The following CENPX variants were observed in gnomAD, a reference collection of about 807,000 sequenced individuals.
CENPX encodes the protein centromere protein X.
CENPX carries 13 observed loss-of-function variants against 13.2 expected under a neutral mutation model. The observed-to-expected ratio is 0.98, with a 90% CI of 0.64 to 1.56. The LOEUF (loss-of-function observed/expected upper bound fraction) is 1.56. Ranked by LOEUF, CENPX falls within the 40% of genes most tolerant of loss-of-function variation. The pLI, the probability that CENPX is intolerant of heterozygous loss-of-function variation, is 0.00. For synonymous variants in CENPX, 66 were observed against 47.2 expected, an observed-to-expected ratio of 1.40 and a Z score of -1.63; for missense variants, 138 against 107.5, an observed-to-expected ratio of 1.28 and a Z score of -1.26.
intron 1 of CENPX, 77 bp from the exon 2 acceptor site, chr17:82,019,986 C>G: frequency 7.3e-7 from 1 of 1,371,658 alleles, no homozygotes; most frequent in Non-Finnish European, 9.8e-7. Flanking sequence ...ATTCTGGTGA[C>G]AGTGGCTGTG....
At chr17:82,022,664 G>T (rs1477718329) in intron 1 of CENPX, 162 bp downstream of exon 1, 1 of 818,528 alleles carries the variant, frequency 1.2e-6, no homozygotes, top group African/African-American at 1.8e-5. Flanking sequence ...AGCCCACGAG[G>T]GCGCGGGGCG....
At chr17:82,022,541 G>A (rs2043306847) in intron 1 of CENPX, 1 of 543,864 alleles carries the variant, frequency 1.8e-6, no homozygotes, top group Non-Finnish European at 3.2e-6. Context: ...CTCTCTCTTC[G>A]CCGGCTTGGA....
Position 82,019,629 on chromosome 17 carries a change from C to T in CENPX, c.142+12G>A, listed in dbSNP as rs537097163. 8.1e-5 allele frequency: 126 copies of T among 1,550,300 alleles called. No individual in the cohort carries two copies. In the East Asian group the frequency reaches 1.1e-3, roughly 13 times the overall value. ...ATGCTGTGCCCGGAGGGAGCGTGGG[C>T]CCTGGGCTCACCCACAACGAAGACC... On this transcript the variant is annotated intron_variant, in intron 3 of 4. Transcript: ENST00000392359.
chr17:82,020,164 G>T (rs928021237), intron 1 of CENPX, among the ~76,000 whole-genome samples: 30 of 152,238 alleles, frequency 2.0e-4, no homozygotes, highest in African/African-American at 7.2e-4. Context: ...TACGGCGTGA[G>T]TGGTCGCAGA....
rs535889079 is a variant in CENPX, at chr17:82,022,851, G to C, written c.11C>G (p.Ala4Gly). 2 of 1,593,008 alleles carry C rather than the reference G, an allele frequency of 1.3e-6. No homozygotes were observed. Among genetic ancestry groups the C allele is most frequent in the Non-Finnish European group, 1.7e-6 (2 of 1,172,626 alleles). The stretch of plus-strand genomic sequence containing the variant: ...CTTCCGGAAGCCGGATCCAGCTCCT[G>C]CTCCCTCCATGACCGCAGCCTCAAC... MEG[A>G]GAGSGFRKEL... Residue 4 changes from alanine to glycine, a missense_variant, in exon 1 of 5, where the codon GCA (alanine) becomes GGA (glycine). Coordinates refer to ENST00000392359, the MANE Select transcript of CENPX (RefSeq NM_001271006.2).
intron 1 of CENPX, among the ~76,000 whole-genome samples, chr17:82,020,735 G>A (rs2043266599): frequency 1.3e-5 from 2 of 152,218 alleles, no homozygotes; most frequent in Middle Eastern, 3.2e-3. Context: ...CGGGGACAAG[G>A]GAGGAGTCTA....
At chr17:82,022,409 C>A (rs2043304139) in intron 1 of CENPX, among the ~76,000 whole-genome samples, 1 of 152,230 alleles carries the variant, frequency 6.6e-6, no homozygotes, top group Admixed American at 6.5e-5. Flanking sequence ...CTGTGCCTGG[C>A]GGCTGGGGTA....
At chr17:82,019,464 C>T in intron 3 of CENPX, 83 bp from the exon 4 acceptor site, 1 of 1,497,672 alleles carries the variant, frequency 6.7e-7, no homozygotes, top group Non-Finnish European at 8.9e-7. Context: ...TGGGCCGGTG[C>T]CCCCCCCAAC....
intron 1 of CENPX, among the ~76,000 whole-genome samples, chr17:82,020,204 C>G (rs1439801900): frequency 6.6e-6 from 1 of 152,256 alleles, no homozygotes; most frequent in African/African-American, 2.4e-5. Flanking sequence ...GCTGGGGCTC[C>G]AGGGAGAGAG....
rs976197124 is a variant in CENPX at position 82,019,084 on chromosome 17, G to C, written c.*121C>G. ...CTGGAGACTCCCAGAGATCTTGTTT[G>C]AATCAACTCCAAATCCTTCAGGTCC... is the stretch of plus-strand genomic sequence containing the variant. On this transcript the variant is annotated 3_prime_UTR_variant, in exon 5 of 5. Transcript: ENST00000392359. 13 of 1,384,212 alleles carry C rather than the reference G, an allele frequency of 9.4e-6. No homozygotes were observed. The African/African-American group carries it at 1.9e-4, about 20-fold the overall frequency. 85.7% of individuals were successfully genotyped at this position (1,384,212 alleles called of 1,614,324 possible).
rs1249944098 is a variant in CENPX, at chr17:82,022,494, C to T, written c.36+332G>A. 9 of 485,434 alleles carry T rather than the reference C, an allele frequency of 1.9e-5. No individual in the cohort carries two copies. In the East Asian group the frequency reaches 3.6e-4, roughly 19 times the overall value. 30.1% of individuals were successfully genotyped at this position (485,434 alleles called of 1,614,324 possible). On this transcript the variant is annotated intron_variant, in intron 1 of 4. Coordinates refer to ENST00000392359, the MANE Select transcript of CENPX (RefSeq NM_001271006.2). Reference sequence around the variant, plus strand: ...GCCTCATCTCCCCTTAACAAAAGACCCCAGGCTCAGGGCGCAGGGCGGCGG... The same window carrying T: ...GCCTCATCTCCCCTTAACAAAAGACTCCAGGCTCAGGGCGCAGGGCGGCGG...
At chr17:82,021,621 C>T (rs1324365456) in intron 1 of CENPX, among the ~76,000 whole-genome samples, 4 of 152,242 alleles carry the variant, frequency 2.6e-5, no homozygotes, top group Non-Finnish European at 5.9e-5. Flanking sequence ...CCCCCACTCC[C>T]CGTCATTCTC....
intron 1 of CENPX, 198 bp downstream of exon 1, chr17:82,022,628 C>G: frequency 1.6e-6 from 1 of 632,972 alleles, no homozygotes; most frequent in South Asian, 2.0e-5. Flanking sequence ...CTGCTCCACG[C>G]CCCCTCCTAC....
intron 1 of CENPX, among the ~76,000 whole-genome samples, chr17:82,020,159 C>T (rs911116515): frequency 2.0e-5 from 3 of 152,176 alleles, no homozygotes; most frequent in Non-Finnish European, 4.4e-5. Flanking sequence ...CTCCCTACGG[C>T]GTGAGTGGTC....
chr17:82,019,845 C>T lies in CENPX; in HGVS notation c.88+13G>A, dbSNP rs1397681386. The stretch of plus-strand genomic sequence containing the variant: ...CACGGGGACCCACCTCCCGCCCGCA[C>T]CCCCACCCGCACCTTTGGTCTTGTC... On this transcript the variant is annotated intron_variant, in intron 2 of 4. Transcript: ENST00000392359. The T allele has an allele frequency of 6.3e-7, 1 of 1,596,598 alleles. No individual in the cohort carries two copies. The highest frequency in any genetic ancestry group is 8.6e-7 in the Non-Finnish European group (1 of 1,168,652).
chr17:82,019,477 C>T (rs549732034), intron 3 of CENPX, 96 bp from the exon 4 acceptor site: 2 of 1,509,286 alleles, frequency 1.3e-6, no homozygotes, highest in African/African-American at 1.4e-5. Context: ...CCCCCAACAC[C>T]CACGGGCAGC....
intron 1 of CENPX, among the ~76,000 whole-genome samples, chr17:82,020,855 C>T (rs571313442): frequency 6.6e-6 from 1 of 152,342 alleles, no homozygotes; most frequent in South Asian, 2.1e-4. Flanking sequence ...TGTGTGTGAA[C>T]ACAGGAGTGG....
At position 82,022,851 on chromosome 17, in the gene CENPX, G is replaced by A. The variant is rs535889079; in HGVS notation, c.11C>T (p.Ala4Val). The A allele has an allele frequency of 1.0e-5, 16 of 1,593,006 alleles. No homozygotes were observed. In the African/African-American group the frequency reaches 1.6e-4, roughly 16 times the overall value. The change falls in exon 1 of 5, where the codon GCA (alanine) becomes GTA (valine). Residue 4 changes from alanine (A) to valine (V), a missense_variant. Ala to Val is a moderately conservative substitution (Grantham distance 64). Coordinates refer to ENST00000392359, the MANE Select transcript of CENPX (RefSeq NM_001271006.2). ...CTTCCGGAAGCCGGATCCAGCTCCT[G>A]CTCCCTCCATGACCGCAGCCTCAAC... is the stretch of plus-strand genomic sequence containing the variant. MEG[A>V]GAGSGFRKEL... is the part of the protein sequence containing the mutation.
At chr17:82,022,742 G>T in intron 1 of CENPX, 84 bp downstream of exon 1, 1 of 1,459,924 alleles carries the variant, frequency 6.8e-7, no homozygotes, top group Non-Finnish European at 9.3e-7. Flanking sequence ...CGGCGCGGGG[G>T]CTGGCGTCTG....
Sources: gnomAD v4.1 joint callset for allele counts (sites outside exome capture counted in the v4.1 genomes callset) on GRCh38, gnomAD v4.1.1 for gene constraint, MANE v1.5 for transcripts, NCBI Gene and HGNC (gene_info 2026-07-23, HGNC 2026-07-21) for gene names.